LIMCH1: variants seen among roughly 807,000 people sequenced by gnomAD.
The protein encoded by LIMCH1 is LIM and calponin homology domains 1, also known as LIM and calponin homology domains-containing protein 1.
Under a neutral mutation model 176.5 loss-of-function variants are expected in LIMCH1, and 113 were observed. The ratio of observed to expected loss-of-function variants is 0.64; its 90% confidence interval spans 0.55 to 0.75. LIMCH1 has a LOEUF of 0.75. Ranked by LOEUF, LIMCH1 falls within the 30% of genes least tolerant of loss-of-function variation. The pLI is 0.00. For missense variants in LIMCH1, 1,674 were observed against 1,814.9 expected (o/e 0.92, Z 1.41); for synonymous variants, 619 against 645.9 (o/e 0.96, Z 0.63).
chr4:41,483,331 C>A (rs1251588125), intron 1 of LIMCH1, among the ~76,000 whole-genome samples: 1 of 152,130 alleles, frequency 6.6e-6, no homozygotes, highest in Non-Finnish European at 1.5e-5. Context: ...AAAGGAAAGT[C>A]TTCCCCAATG....
intron 18 of LIMCH1, among the ~76,000 whole-genome samples, chr4:41,654,324 G>T (rs956499244): frequency 2.6e-4 from 40 of 152,168 alleles, no homozygotes; most frequent in African/African-American, 9.4e-4. Context: ...TCAGCCACGA[G>T]ATCACGAGGG....
intron 1 of LIMCH1, among the ~76,000 whole-genome samples, chr4:41,465,323 G>A (rs1233135101): frequency 6.6e-6 from 1 of 152,084 alleles, no homozygotes; most frequent in Non-Finnish European, 1.5e-5. Flanking sequence ...TCTGCTTGAT[G>A]AGTCTCTGAA....
At chr4:41,576,594 T>G (rs753258719) in intron 1 of LIMCH1, among the ~76,000 whole-genome samples, 8 of 152,168 alleles carry the variant, frequency 5.3e-5, no homozygotes, top group Non-Finnish European at 1.0e-4. Flanking sequence ...TGTGGTCATT[T>G]ATGGTTAGGA....
At chr4:41,638,238 C>T (rs2093680742) in intron 13 of LIMCH1, among the ~76,000 whole-genome samples, 1 of 151,994 alleles carries the variant, frequency 6.6e-6, no homozygotes, top group Non-Finnish European at 1.5e-5. Context: ...GCAGAGGGTA[C>T]AACTTTATGG....
chr4:41,468,606 A>G (rs993459173), intron 1 of LIMCH1, among the ~76,000 whole-genome samples: 5 of 151,858 alleles, frequency 3.3e-5, no homozygotes, highest in Non-Finnish European at 4.4e-5. Flanking sequence ...GAGGTGTTAC[A>G]TAGTAGACAG....
intron 1 of LIMCH1, among the ~76,000 whole-genome samples, chr4:41,390,259 AGAGAGAGAGAGAGAGC>A (rs1236750005): frequency 6.6e-6 from 1 of 151,628 alleles, no homozygotes; most frequent in Admixed American, 6.6e-5. Context: ...AGAGAGAGAG[AGAGAGAGAGAGAGAGC>A]GAGAGCGCTC....
chr4:41,662,856 A>C lies in LIMCH1; in HGVS notation c.3163A>C (p.Ser1055Arg), dbSNP rs544646690. ...TTTTACAACAACTGTGACTCGATGC[A>C]GCCCGACCGTGGCCTTTGTGGAATT... ...QHFTTTVTRC[S>R]PTVAFVEFPS... Residue 1055 changes from serine to arginine, a missense_variant, in exon 20 of 32, where the codon AGC becomes CGC. By Grantham distance (110) the Ser-to-Arg change is moderately radical (BLOSUM62 -1). Around this residue, in one of 3 missense-constraint regions of LIMCH1, gnomAD observed 1,015 missense variants for 1,102.5 expected, o/e 0.92. Coordinates refer to ENST00000503057, the MANE Select transcript of LIMCH1 (RefSeq NM_001330672.2). 1 of 1,614,124 alleles carries C rather than the reference A, an allele frequency of 6.2e-7. No homozygotes were observed. Among genetic ancestry groups the C allele is most frequent in the South Asian group, 1.1e-5 (1 of 91,080 alleles).
intron 1 of LIMCH1, among the ~76,000 whole-genome samples, chr4:41,459,965 A>G (rs2065086696): frequency 6.6e-6 from 1 of 152,130 alleles, no homozygotes; most frequent in African/African-American, 2.4e-5. Flanking sequence ...CTCCTGCCCC[A>G]GTCTTCGCCC....
intron 1 of LIMCH1, among the ~76,000 whole-genome samples, chr4:41,429,500 G>A (rs2154135330): frequency 6.6e-6 from 1 of 152,288 alleles, no homozygotes; most frequent in African/African-American, 2.4e-5. Flanking sequence ...ATGATGCTCT[G>A]TTCAAACAAA....
intron 5 of LIMCH1, among the ~76,000 whole-genome samples, chr4:41,618,216 T>A (rs1008403644): frequency 2.6e-5 from 4 of 152,206 alleles, no homozygotes; most frequent in African/African-American, 9.7e-5. Context: ...CAACCAGCAT[T>A]GAAGTGGCCG....
intron 4 of LIMCH1, chr4:41,609,725 G>C: frequency 2.2e-6 from 1 of 449,464 alleles, no homozygotes; most frequent in East Asian, 7.0e-5. Flanking sequence ...ACTTTAACTA[G>C]AGTAACTCAG....
intron 1 of LIMCH1, among the ~76,000 whole-genome samples, chr4:41,400,217 A>G (rs1439316926): frequency 1.3e-5 from 2 of 152,318 alleles, no homozygotes; most frequent in Non-Finnish European, 2.9e-5. Context: ...CAATAGGGGC[A>G]TAGAATCTTA....
intron 18 of LIMCH1, among the ~76,000 whole-genome samples, chr4:41,651,239 A>G (rs1173526914): frequency 6.6e-6 from 1 of 152,074 alleles, no homozygotes; most frequent in Non-Finnish European, 1.5e-5. Context: ...TCCTGACCTC[A>G]AGTGATCCAC....
In LIMCH1 at chr4:41,363,282, T is replaced by TG. The variant is rs945429218; in HGVS notation, c.96+2353dup. ...TACTTAGGGGCAGTGAATCCCCGGG[T>TG]GGGGGGGCGGATTGGGGATTGGTAT... On this transcript the variant is annotated intron_variant, in intron 1 of 26. Transcript: ENST00000313860. Among the ~76,000 whole-genome samples the TG allele has an allele frequency of 3.3e-5, 5 of 151,662 alleles. No homozygotes were observed. The East Asian group carries it at 5.8e-4, about 18-fold the overall frequency.
chr4:41,363,288 G>A (rs1431646789), intron 1 of LIMCH1, among the ~76,000 whole-genome samples: 2 of 152,176 alleles, frequency 1.3e-5, no homozygotes, highest in Non-Finnish European at 2.9e-5. Flanking sequence ...CGGGTGGGGG[G>A]GCGGATTGGG....
intron 1 of LIMCH1, among the ~76,000 whole-genome samples, chr4:41,585,812 T>G (rs985336450): frequency 2.0e-5 from 3 of 152,218 alleles, no homozygotes; most frequent in Admixed American, 2.0e-4. Flanking sequence ...CATCTCAGAC[T>G]GATACGTGAT....
In LIMCH1 at chr4:41,477,066, A is replaced by T. The variant is rs571381400; in HGVS notation, c.97-17470A>T. On this transcript the variant is annotated intron_variant, in intron 1 of 26. Coordinates refer to the LIMCH1 transcript ENST00000313860. ...ATAGGGGGAAATCAGCAACATATTTAGACAACATGGCACACTGGCTAGGAG... is the reference window on the plus strand; with the variant it reads ...ATAGGGGGAAATCAGCAACATATTTTGACAACATGGCACACTGGCTAGGAG... Among the ~76,000 whole-genome samples the T allele has an allele frequency of 3.9e-5, 6 of 152,348 alleles. No homozygotes were observed. The South Asian group carries it at 1.2e-3, about 32-fold the overall frequency.
At chr4:41,681,096 T>G (rs769850672) in intron 25 of LIMCH1, 37 bp downstream of exon 25, 2 of 1,311,532 alleles carry the variant, frequency 1.5e-6, no homozygotes, top group Non-Finnish European at 2.2e-6. Flanking sequence ...GTGAAATAAA[T>G]AAACCTAAAT....
At chr4:41,554,802 TTAAC>T in intron 1 of LIMCH1, among the ~76,000 whole-genome samples, 1 of 152,324 alleles carries the variant, frequency 6.6e-6, no homozygotes, top group South Asian at 2.1e-4. Context: ...ATGTCTTGAA[TTAAC>T]TAAGTTCATT....
Sources: allele counts gnomAD v4.1 joint callset (sites outside exome capture counted in the v4.1 genomes callset), GRCh38; gene constraint gnomAD v4.1.1; regional missense constraint gnomAD v4.1.1; transcripts MANE v1.5; gene names NCBI Gene and HGNC (gene_info 2026-07-23, HGNC 2026-07-21).